PLEKHA5: variants seen among roughly 807,000 people sequenced by gnomAD.
The protein encoded by PLEKHA5 is pleckstrin homology domain-containing family A member 5.
PLEKHA5 carries 55 observed loss-of-function variants against 181.9 expected under a neutral mutation model. The ratio of observed to expected loss-of-function variants is 0.30; its 90% CI spans 0.24 to 0.38. The LOEUF is 0.38. Among genes scored for constraint, PLEKHA5 ranks in the 10% least tolerant of loss-of-function variants. The pLI, the probability that PLEKHA5 is intolerant of heterozygous loss-of-function variation, is 1.00. For synonymous variants in PLEKHA5, 535 were observed against 529.4 expected (o/e 1.01, Z -0.15); for missense variants, 1,432 against 1,549.5 (o/e 0.92, Z 1.27).
At chr12:19,220,475 C>T (rs1350633245) in intron 3 of PLEKHA5, among the ~76,000 whole-genome samples, 2 of 152,062 alleles carry the variant, frequency 1.3e-5, no homozygotes, top group African/African-American at 2.4e-5. Context: ...TCATTCATGA[C>T]TCATTTTAAA....
At chr12:19,349,914 C>T (rs2094513071) in intron 25 of PLEKHA5, among the ~76,000 whole-genome samples, 1 of 152,042 alleles carries the variant, frequency 6.6e-6, no homozygotes, top group African/African-American at 2.4e-5. Flanking sequence ...AGGTGGAGAC[C>T]ATCCTGGCTA....
At chr12:19,177,571 T>A (rs1240706692) in intron 3 of PLEKHA5, among the ~76,000 whole-genome samples, 1 of 152,214 alleles carries the variant, frequency 6.6e-6, no homozygotes, top group African/African-American at 2.4e-5. Context: ...AGTGCCGTGT[T>A]GTCCTTCGGG....
intron 3 of PLEKHA5, among the ~76,000 whole-genome samples, chr12:19,163,122 A>G (rs908301709): frequency 2.0e-5 from 3 of 152,196 alleles, no homozygotes; most frequent in African/African-American, 7.2e-5. Flanking sequence ...TTAAGACACA[A>G]AAAAGTAGCC....
At chr12:19,356,073 A>C (rs1157192830) in intron 26 of PLEKHA5, among the ~76,000 whole-genome samples, 3 of 151,820 alleles carry the variant, frequency 2.0e-5, no homozygotes, top group African/African-American at 7.3e-5. Context: ...GCTGAGGCAT[A>C]AGAATTACTT....
rs975618755 is a variant in PLEKHA5, at chr12:19,278,818, G to A, written c.1313+3835G>A. ...GTACCTTTCTCCCTCTCTCCACCCCGAAGGCATCGAATCGGATGGTTGGCC... is the reference window on the plus strand; with the variant it reads ...GTACCTTTCTCCCTCTCTCCACCCCAAAGGCATCGAATCGGATGGTTGGCC... On this transcript the variant is annotated intron_variant, in intron 11 of 31. Coordinates refer to ENST00000429027, the MANE Select transcript of PLEKHA5 (RefSeq NM_001256470.2). 3.9e-5 allele frequency among the ~76,000 whole-genome samples: 6 copies of A among 152,104 alleles called. No individual in the cohort carries two copies. The South Asian group carries it at 8.3e-4, about 21-fold the overall frequency.
intron 15 of PLEKHA5, among the ~76,000 whole-genome samples, chr12:19,297,029 A>AT (rs1197594034): frequency 6.6e-6 from 1 of 152,088 alleles, no homozygotes; most frequent in Non-Finnish European, 1.5e-5. Context: ...TTCCTGCCAG[A>AT]TTTTCAAGTA....
At chr12:19,140,978 T>G (rs10841157) in intron 3 of PLEKHA5, among the ~76,000 whole-genome samples, 104,694 of 151,968 alleles carry the variant, frequency 0.69, 40,137 homozygotes, top group Non-Finnish European at 0.88. Context: ...TTTTAGTAGA[T>G]ATGGGAGTTT....
At chr12:19,246,297 T>C (rs2063731460) in intron 3 of PLEKHA5, among the ~76,000 whole-genome samples, 1 of 151,768 alleles carries the variant, frequency 6.6e-6, no homozygotes, top group Admixed American at 6.6e-5. Flanking sequence ...GTTATATATA[T>C]GTAACATTAC....
At position 19,205,363 on chromosome 12, in the gene PLEKHA5, C is replaced by G. The variant is rs984651256; in HGVS notation, c.228-48577C>G. On this transcript the variant is annotated intron_variant, in intron 3 of 31. Transcript: ENST00000429027. ...GTGTGCCCCTTTGTCATCGTTCTGT[C>G]AGGAAGCATGTAATTTGTCTTTAGA... is the stretch of plus-strand genomic sequence containing the variant. 6 of 984,602 alleles carry G rather than the reference C, an allele frequency of 6.1e-6. No individual in the cohort carries two copies. The African/African-American group carries it at 8.7e-5, about 14-fold the overall frequency. 61.0% of individuals were successfully genotyped at this position (984,602 alleles called of 1,614,324 possible). A position where few individuals can be genotyped will look rare whatever the true frequency, so the allele number is the denominator to read the frequency against.
intron 3 of PLEKHA5, among the ~76,000 whole-genome samples, chr12:19,251,406 C>A (rs1404821948): frequency 1.4e-4 from 17 of 124,720 alleles, no homozygotes; most frequent in African/African-American, 3.6e-4. Flanking sequence ...AACTCTGTCT[C>A]AAAAAAAAAA....
intron 15 of PLEKHA5, among the ~76,000 whole-genome samples, chr12:19,292,045 G>T (rs1278682366): frequency 6.6e-6 from 1 of 152,226 alleles, no homozygotes; most frequent in African/African-American, 2.4e-5. Context: ...GCTGTGAATT[G>T]TCTTGTTGGA....
chr12:19,296,982 T>G, intron 15 of PLEKHA5, among the ~76,000 whole-genome samples: 1 of 152,212 alleles, frequency 6.6e-6, no homozygotes, highest in East Asian at 1.9e-4. Flanking sequence ...GTGAGGGAAC[T>G]TAAATGATAT....
At chr12:19,330,056 A>G (rs993268919) in intron 20 of PLEKHA5, among the ~76,000 whole-genome samples, 5 of 152,214 alleles carry the variant, frequency 3.3e-5, no homozygotes, top group African/African-American at 9.6e-5. Context: ...GTTTCAAAAA[A>G]CAAAACAAAA....
intron 3 of PLEKHA5, among the ~76,000 whole-genome samples, chr12:19,216,543 G>A (rs2058008902): frequency 6.6e-6 from 1 of 151,872 alleles, no homozygotes; most frequent in South Asian, 2.1e-4. Flanking sequence ...GGCACTTGTA[G>A]TCCCATCTAC....
intron 3 of PLEKHA5, among the ~76,000 whole-genome samples, chr12:19,229,502 T>G (rs745522530): frequency 6.6e-6 from 1 of 151,974 alleles, no homozygotes; most frequent in African/African-American, 2.4e-5. Context: ...TCTGGAGTTG[T>G]TTGTTCCTCC....
intron 3 of PLEKHA5, among the ~76,000 whole-genome samples, chr12:19,215,078 G>A (rs995597181): frequency 3.3e-5 from 5 of 152,044 alleles, no homozygotes; most frequent in African/African-American, 1.2e-4. Flanking sequence ...TCCAGAGGCT[G>A]AGGCAGGAGA....
chr12:19,320,527 A>AT (rs1299301819), intron 17 of PLEKHA5, 35 bp from the exon 18 acceptor site: 8 of 1,009,904 alleles, frequency 7.9e-6, no homozygotes, highest in Non-Finnish European at 1.2e-5. Context: ...TTTAAATAAG[A>AT]TTTTTTAAGT....
At chr12:19,260,392 C>G (rs1036469146) in intron 6 of PLEKHA5, among the ~76,000 whole-genome samples, 1 of 152,162 alleles carries the variant, frequency 6.6e-6, no homozygotes, top group African/African-American at 2.4e-5. Context: ...CTTACAAATA[C>G]GAAGCCAAAT....
intron 17 of PLEKHA5, 78 bp from the exon 18 acceptor site, chr12:19,320,484 A>G (rs541756996): frequency 8.6e-5 from 57 of 660,294 alleles, no homozygotes; most frequent in Middle Eastern, 8.6e-4. Context: ...TTTAATATAA[A>G]TCCAAAGTAT....
Sources: allele counts gnomAD v4.1 joint callset (sites outside exome capture counted in the v4.1 genomes callset), GRCh38; gene constraint gnomAD v4.1.1; transcripts MANE v1.5; gene names NCBI Gene and HGNC (gene_info 2026-07-23, HGNC 2026-07-21).